The following MKRN2 variants were observed in gnomAD, a reference collection of about 807,000 sequenced individuals.
The protein encoded by MKRN2 is makorin ring finger protein 2.
In MKRN2, 32 loss-of-function variants were observed where a neutral mutation model predicts 45.4. The observed-to-expected ratio is 0.70, with a 90% CI of 0.53 to 0.95. MKRN2 has a LOEUF of 0.95. MKRN2 is among the 40% of genes least tolerant of loss of function. MKRN2 has a pLI of 0.00. For missense variants in MKRN2, 526 were observed against 536.7 expected, an observed-to-expected ratio of 0.98 and a Z score of 0.20; for synonymous variants, 206 against 192.4, an observed-to-expected ratio of 1.07 and a Z score of -0.59.
At chr3:12,579,259 G>T (rs1321659565) in intron 6 of MKRN2, among the ~76,000 whole-genome samples, 1 of 152,128 alleles carries the variant, frequency 6.6e-6, no homozygotes. Flanking sequence ...CCGCCTCCAG[G>T]GTTCAAGTGA....
Position 12,582,330 on chromosome 3 carries a change from T to C in MKRN2, c.*77T>C. 1 of 1,566,604 alleles carries C rather than the reference T, an allele frequency of 6.4e-7. No homozygotes were observed. Among genetic ancestry groups the C allele is most frequent in the Non-Finnish European group, 8.7e-7 (1 of 1,144,736 alleles). On this transcript the variant is annotated 3_prime_UTR_variant, in exon 8 of 8. Transcript: ENST00000170447. ...AGCCAGGGTGTGCGGAGCTTCCCTG[T>C]ACTGCAGCCAAGGTGACGTGTGACT...
At chr3:12,557,340 C>G (rs2255655) in intron 1 of MKRN2, among the ~76,000 whole-genome samples, 164 bp downstream of exon 1, 88,405 of 152,168 alleles carry the variant, frequency 0.58, 28,216 homozygotes, top group African/African-American at 0.84. Flanking sequence ...GCTGCCGCCA[C>G]AGCCGGGGAT....
At chr3:12,558,748 G>A (rs1056108814) in intron 1 of MKRN2, among the ~76,000 whole-genome samples, 4 of 152,268 alleles carry the variant, frequency 2.6e-5, no homozygotes, top group Admixed American at 2.6e-4. Flanking sequence ...CCCAAACAGG[G>A]GTGTTCTGTA....
intron 3 of MKRN2, among the ~76,000 whole-genome samples, chr3:12,570,946 C>CT (rs2058094743): frequency 6.7e-6 from 1 of 150,060 alleles, no homozygotes; most frequent in Non-Finnish European, 1.5e-5. Flanking sequence ...CACTGTTTGA[C>CT]TTTTAGGCCA....
chr3:12,569,104 C>A (rs2058084451), intron 2 of MKRN2, 101 bp downstream of exon 2: 2 of 1,360,828 alleles, frequency 1.5e-6, no homozygotes, highest in Non-Finnish European at 2.0e-6. Flanking sequence ...ATGGCAACAT[C>A]ACAAAAAGTA....
At chr3:12,575,629 C>T (rs920513680) in intron 5 of MKRN2, among the ~76,000 whole-genome samples, 4 of 152,104 alleles carry the variant, frequency 2.6e-5, no homozygotes, top group Non-Finnish European at 2.9e-5. Flanking sequence ...GCCTGGGGTG[C>T]GGGGGTCAAG....
intron 2 of MKRN2, among the ~76,000 whole-genome samples, chr3:12,569,435 C>T (rs1408083556): frequency 6.6e-6 from 1 of 152,026 alleles, no homozygotes; most frequent in Non-Finnish European, 1.5e-5. Context: ...GCTGGAATTA[C>T]AGGCGTGAGC....
chr3:12,569,648 G>A (rs745834431), intron 2 of MKRN2, among the ~76,000 whole-genome samples: 9 of 152,054 alleles, frequency 5.9e-5, no homozygotes, highest in Admixed American at 3.3e-4. Context: ...GTAGGCCCAC[G>A]TTGGTCTTCC....
chr3:12,564,327 G>T (rs558455858), intron 1 of MKRN2, among the ~76,000 whole-genome samples: 21 of 152,148 alleles, frequency 1.4e-4, no homozygotes, highest in Admixed American at 3.9e-4. Flanking sequence ...AGGAACTTCC[G>T]TACTGTTTTT....
At chr3:12,573,933 C>A (rs550826639) in intron 4 of MKRN2, among the ~76,000 whole-genome samples, 2 of 151,954 alleles carry the variant, frequency 1.3e-5, no homozygotes, top group South Asian at 2.1e-4. Context: ...GAGGTGAGGT[C>A]TTGCTATGTT....
chr3:12,567,192 A>G (rs1047843252), intron 1 of MKRN2, among the ~76,000 whole-genome samples: 1 of 144,724 alleles, frequency 6.9e-6, no homozygotes, highest in African/African-American at 2.6e-5. Context: ...AGTAAGTTAT[A>G]TACTTGCTAT....
chr3:12,561,619 T>C (rs2058036756), intron 1 of MKRN2, among the ~76,000 whole-genome samples: 2 of 152,204 alleles, frequency 1.3e-5, no homozygotes, highest in African/African-American at 2.4e-5. Context: ...ATCCTGTCTC[T>C]ACCCGAGAAA....
chr3:12,581,726 G>C (rs1353323746), intron 6 of MKRN2, 82 bp from the exon 7 acceptor site: 33 of 1,495,606 alleles, frequency 2.2e-5, no homozygotes, highest in Non-Finnish European at 2.8e-5. Context: ...CGTAAGGGTG[G>C]TAAGGATGGA....
intron 1 of MKRN2, among the ~76,000 whole-genome samples, chr3:12,558,838 G>T (rs1167222471): frequency 6.6e-6 from 1 of 152,172 alleles, no homozygotes; most frequent in Admixed American, 6.6e-5. Context: ...AGTCATGTTT[G>T]TTGGGGACTT....
In MKRN2 at chr3:12,581,811, A is replaced by G; in HGVS notation, c.972A>G (p.Lys324=). 1.2e-6 allele frequency: 2 copies of G among 1,613,924 alleles called. No homozygotes were observed. The highest frequency in any genetic ancestry group is 1.7e-6 in the Non-Finnish European group (2 of 1,179,920). ...LIEAFKQGMG[K]KACKYFEQGK... is the part of the protein sequence containing the mutation. ...ACTTTTTCTTTCTGCTTTTCAGGAA[A>G]AAAGCCTGTAAATACTTTGAGCAAG... The change falls in exon 7 of 8, where the codon AAA becomes AAG. Residue 324 remains lysine (K), a synonymous_variant. Transcript: ENST00000170447.
At chr3:12,571,557 A>G (rs1216147180) in intron 3 of MKRN2, among the ~76,000 whole-genome samples, 1 of 152,206 alleles carries the variant, frequency 6.6e-6, no homozygotes, top group Non-Finnish European at 1.5e-5. Flanking sequence ...GGAGGTGTGC[A>G]GTGGGAAGGC....
intron 1 of MKRN2, among the ~76,000 whole-genome samples, chr3:12,564,108 G>A (rs1189864042): frequency 6.6e-6 from 1 of 151,880 alleles, no homozygotes; most frequent in South Asian, 2.1e-4. Flanking sequence ...ACCACGCCCG[G>A]CTAATTTTTG....
intron 6 of MKRN2, among the ~76,000 whole-genome samples, chr3:12,577,808 A>G (rs2058152167): frequency 6.6e-6 from 1 of 151,772 alleles, no homozygotes; most frequent in Non-Finnish European, 1.5e-5. Flanking sequence ...CCCGAGTAGC[A>G]GGGATTACAG....
At chr3:12,577,648 G>A (rs960050131) in intron 6 of MKRN2, among the ~76,000 whole-genome samples, 1 of 150,730 alleles carries the variant, frequency 6.6e-6, no homozygotes, top group Non-Finnish European at 1.5e-5. Context: ...AGAGACTTAG[G>A]ATTCTGTTAT....
Sources: allele counts gnomAD v4.1 joint callset (sites outside exome capture counted in the v4.1 genomes callset), GRCh38; gene constraint gnomAD v4.1.1; transcripts MANE v1.5; gene names NCBI Gene and HGNC (gene_info 2026-07-23, HGNC 2026-07-21).